Variants in TEX9 observed in about 807,000 individuals in gnomAD.
TEX9 encodes the protein testis expressed 9.
In TEX9, 74 loss-of-function variants were observed where a neutral mutation model predicts 59.6. The observed-to-expected ratio is 1.24, with a 90% CI of 1.03 to 1.51. TEX9 has a LOEUF of 1.51. TEX9 is among the 40% of genes most tolerant of loss of function. TEX9 has a pLI of 0.00. For missense variants in TEX9, 522 were observed against 447.8 expected (o/e 1.17, Z -1.49); for synonymous variants, 186 against 152.2 (o/e 1.22, Z -1.64).
chr15:56,433,656 C>T (rs1461676554), intron 12 of TEX9, among the ~76,000 whole-genome samples: 2 of 152,098 alleles, frequency 1.3e-5, no homozygotes, highest in Non-Finnish European at 2.9e-5. Flanking sequence ...CTCTTATCTA[C>T]CTTCAATGCT....
chr15:56,447,489 A>C (rs961728836), downstream of TEX9: 32 of 151,964 alleles, frequency 2.1e-4, no homozygotes, highest in African/African-American at 7.5e-4. Context: ...TCTGTGTTTT[A>C]TTTTGGTAGT....
chr15:56,442,621 T>C (rs1596261047), intron 12 of TEX9, among the ~76,000 whole-genome samples: 1 of 152,218 alleles, frequency 6.6e-6, no homozygotes, highest in South Asian at 2.1e-4. Flanking sequence ...CATTAGCCTA[T>C]GCTAATTAAT....
chr15:56,308,263 A>G (rs183616530), intron 1 of TEX9, among the ~76,000 whole-genome samples: 38 of 152,260 alleles, frequency 2.5e-4, no homozygotes, highest in African/African-American at 7.7e-4. Context: ...ATTATAGCCA[A>G]TCCTACTGGG....
chr15:56,428,540 A>ATATT, intron 12 of TEX9: 1 of 799,968 alleles, frequency 1.3e-6, no homozygotes. Flanking sequence ...CATAAGTAAT[A>ATATT]TATTTGATTA....
intron 1 of TEX9, among the ~76,000 whole-genome samples, chr15:56,280,460 C>G (rs182764590): frequency 6.6e-6 from 1 of 152,032 alleles, no homozygotes. Context: ...ACATTCTACC[C>G]GAAGGCAAAG....
chr15:56,283,662 T>C lies in TEX9; in HGVS notation c.-107+39384T>C, dbSNP rs1007003412. Among the ~76,000 whole-genome samples the C allele has an allele frequency of 2.0e-5, 3 of 152,204 alleles. No homozygotes were observed. The East Asian group carries it at 5.8e-4, about 29-fold the overall frequency. ...CAAATCAAAACATAGGAAAAATAAA[T>C]GTTAGTATTTATCAAGTTTTTAGAA... On this transcript the variant is annotated intron_variant, in intron 1 of 5. Coordinates refer to the TEX9 transcript ENST00000560827.
intron 9 of TEX9, among the ~76,000 whole-genome samples, chr15:56,411,611 T>A (rs1179907724): frequency 6.6e-6 from 1 of 152,164 alleles, no homozygotes. Context: ...AGAGATCCAG[T>A]TACTGCTGGT....
At chr15:56,404,119 C>T (rs1276171583) in intron 9 of TEX9, among the ~76,000 whole-genome samples, 4 of 152,126 alleles carry the variant, frequency 2.6e-5, no homozygotes, top group African/African-American at 7.2e-5. Context: ...GCAACAAAAG[C>T]CAAAATAGAC....
At chr15:56,454,978 T>C in the TEX9 span, among the ~76,000 whole-genome samples, 1 of 152,128 alleles carries the variant, frequency 6.6e-6, no homozygotes, top group East Asian at 1.9e-4. Flanking sequence ...CATACTGCCA[T>C]ATGCTTATTG....
chr15:56,314,440 T>G (rs1361464688), intron 1 of TEX9, among the ~76,000 whole-genome samples: 2 of 110,240 alleles, frequency 1.8e-5, no homozygotes, highest in African/African-American at 6.7e-5. Context: ...GTTGTTCAGT[T>G]TCCATGTAGT....
At chr15:56,271,226 G>C (rs536340256) in intron 1 of TEX9, among the ~76,000 whole-genome samples, 1 of 152,306 alleles carries the variant, frequency 6.6e-6, no homozygotes, top group Non-Finnish European at 1.5e-5. Context: ...ATCCTGAAGA[G>C]TATTTTCGAG....
At chr15:56,435,514 A>C (rs2050707256) in intron 12 of TEX9, among the ~76,000 whole-genome samples, 1 of 152,008 alleles carries the variant, frequency 6.6e-6, no homozygotes. Flanking sequence ...TACAGACATC[A>C]AAAGGATAAT....
intron 1 of TEX9, among the ~76,000 whole-genome samples, chr15:56,339,941 T>C (rs1379078007): frequency 6.6e-6 from 1 of 152,028 alleles, no homozygotes; most frequent in East Asian, 1.9e-4. Context: ...ATTTCTGTTG[T>C]TTATAAGACA....
At chr15:56,301,626 G>A (rs1362939399) in intron 1 of TEX9, among the ~76,000 whole-genome samples, 1 of 151,626 alleles carries the variant, frequency 6.6e-6, no homozygotes, top group African/African-American at 2.4e-5. Flanking sequence ...TAGCCCAGGA[G>A]AGAGTGGAAT....
At chr15:56,285,893 A>G (rs1193290427) in intron 1 of TEX9, among the ~76,000 whole-genome samples, 1 of 152,202 alleles carries the variant, frequency 6.6e-6, no homozygotes, top group African/African-American at 2.4e-5. Flanking sequence ...AATAGTGGCA[A>G]TTAGCTCCTG....
chr15:56,336,892 A>G (rs1567090405), intron 1 of TEX9, among the ~76,000 whole-genome samples: 1 of 152,130 alleles, frequency 6.6e-6, no homozygotes, highest in Admixed American at 6.6e-5. Flanking sequence ...GCGTAGGGCG[A>G]TTCCCAGTAG....
intron 1 of TEX9, chr15:56,323,715 AAGGAGGAAG>A (rs1246898419): frequency 3.8e-5 from 1 of 26,090 alleles, no homozygotes; most frequent in Non-Finnish European, 1.2e-4. Flanking sequence ...GGAGGAGGAG[AAGGAGGAAG>A]AGGAGGAGGA....
chr15:56,247,442 T>C (rs1596039774), intron 1 of TEX9, among the ~76,000 whole-genome samples: 1 of 152,028 alleles, frequency 6.6e-6, no homozygotes, highest in Non-Finnish European at 1.5e-5. Flanking sequence ...TTTAATTGGG[T>C]CTTGTTGGAT....
At chr15:56,365,466 C>T (rs578076020) in exon 1 of TEX9, 4 of 1,613,578 alleles carry the variant, frequency 2.5e-6, no homozygotes, top group Admixed American at 3.3e-5. Context: ...GGGGCGAAGT[C>T]TGTGTCTCAC....
Sources: gnomAD v4.1 joint callset for allele counts (sites outside exome capture counted in the v4.1 genomes callset) on GRCh38, gnomAD v4.1.1 for gene constraint, MANE v1.5 for transcripts, NCBI Gene and HGNC (gene_info 2026-07-23, HGNC 2026-07-21) for gene names.